The following DPP10 variants were observed in gnomAD, a reference collection of about 807,000 sequenced individuals.
DPP10 encodes the protein dipeptidyl peptidase like 10.
DPP10 carries 33 observed loss-of-function variants against 120.9 expected under a neutral mutation model. That is an observed-to-expected ratio of 0.27 (90% CI 0.21 to 0.37). DPP10 has a LOEUF of 0.37. Ranked by LOEUF, DPP10 falls within the 10% of genes least tolerant of loss-of-function variation. DPP10 has a pLI of 1.00. For missense variants in DPP10, 816 were observed against 942.8 expected, an observed-to-expected ratio of 0.87 and a Z score of 1.76; for synonymous variants, 337 against 326.1, an observed-to-expected ratio of 1.03 and a Z score of -0.36.
chr2:115,434,482 C>T (rs139720103), intron 3 of DPP10, among the ~76,000 whole-genome samples: 39 of 151,966 alleles, frequency 2.6e-4, no homozygotes, highest in African/African-American at 7.0e-4. Flanking sequence ...AATGCATGCA[C>T]AGCATAGATT....
At chr2:114,523,390 G>A (rs1333251844) in intron 1 of DPP10, among the ~76,000 whole-genome samples, 2 of 152,160 alleles carry the variant, frequency 1.3e-5, no homozygotes, top group African/African-American at 2.4e-5. Flanking sequence ...GGGGGCTTTA[G>A]CACCAGCACC....
intron 1 of DPP10, among the ~76,000 whole-genome samples, chr2:114,825,054 CATA>C (rs1686412815): frequency 6.6e-6 from 1 of 152,176 alleles, no homozygotes; most frequent in Non-Finnish European, 1.5e-5. Flanking sequence ...ATAAAGCTAT[CATA>C]ATATCAGCTG....
intron 3 of DPP10, among the ~76,000 whole-genome samples, chr2:115,377,238 G>A (rs963504636): frequency 1.3e-5 from 2 of 151,010 alleles, no homozygotes; most frequent in African/African-American, 2.4e-5. Context: ...TTTAATGATT[G>A]CCATTCTAAC....
chr2:115,747,146 C>G (rs1678083960), intron 10 of DPP10, among the ~76,000 whole-genome samples: 1 of 152,150 alleles, frequency 6.6e-6, no homozygotes, highest in African/African-American at 2.4e-5. Flanking sequence ...CTAATATAAA[C>G]TTCTCCTTCT....
intron 1 of DPP10, among the ~76,000 whole-genome samples, chr2:114,988,387 G>A (rs1700555927): frequency 6.6e-6 from 1 of 152,144 alleles, no homozygotes; most frequent in Non-Finnish European, 1.5e-5. Flanking sequence ...TAAATAAGCT[G>A]ACCACATATG....
At chr2:115,774,239 CA>C (rs1349806113) in intron 13 of DPP10, among the ~76,000 whole-genome samples, 5 of 151,306 alleles carry the variant, frequency 3.3e-5, no homozygotes, top group Non-Finnish European at 7.4e-5. Context: ...CACACACACA[CA>C]CCAAAATACT....
chr2:114,463,324 A>G (rs1280076936), intron 1 of DPP10: 2 of 151,748 alleles, frequency 1.3e-5, no homozygotes, highest in African/African-American at 2.4e-5. Flanking sequence ...CTTGTCTGTA[A>G]CCTCCCATTT....
chr2:115,290,241 T>C (rs1301295404), intron 1 of DPP10, among the ~76,000 whole-genome samples: 1 of 152,130 alleles, frequency 6.6e-6, no homozygotes, highest in Non-Finnish European at 1.5e-5. Context: ...ATCTAGTAAA[T>C]GTTATACCTC....
chr2:115,389,868 A>C (rs1301297070), intron 3 of DPP10, among the ~76,000 whole-genome samples: 1 of 152,180 alleles, frequency 6.6e-6, no homozygotes, highest in Non-Finnish European at 1.5e-5. Context: ...CTCTATAATT[A>C]TTAATTCATT....
intron 1 of DPP10, among the ~76,000 whole-genome samples, chr2:114,807,046 G>A (rs1337374568): frequency 2.0e-5 from 3 of 152,126 alleles, no homozygotes; most frequent in Non-Finnish European, 4.4e-5. Context: ...CAGACAGAAT[G>A]ATCTTTTCTT....
At chr2:115,521,716 C>A (rs537734899) in intron 4 of DPP10, among the ~76,000 whole-genome samples, 45 of 151,920 alleles carry the variant, frequency 3.0e-4, no homozygotes, top group African/African-American at 1.1e-3. Flanking sequence ...TTGTCATGAG[C>A]CTCTTACCAT....
chr2:115,165,925 A>G (rs909658693), intron 1 of DPP10, among the ~76,000 whole-genome samples: 2 of 152,210 alleles, frequency 1.3e-5, no homozygotes, highest in Non-Finnish European at 2.9e-5. Context: ...ATTTTCTTTA[A>G]AAAAATGCAT....
At chr2:114,937,620 G>C (rs1396802463) in intron 1 of DPP10, among the ~76,000 whole-genome samples, 1 of 152,064 alleles carries the variant, frequency 6.6e-6, no homozygotes, top group African/African-American at 2.4e-5. Context: ...GTCTTGTGCC[G>C]GTCTTTAGCT....
At chr2:115,812,963 CTTTTTTTTTTTTTTTTTT>C (rs66478532) in intron 19 of DPP10, among the ~76,000 whole-genome samples, 2 of 72,782 alleles carry the variant, frequency 2.7e-5, no homozygotes, top group Non-Finnish European at 4.7e-5. Flanking sequence ...GACTGGATAT[CTTTTTTTTTTTTTTTTTT>C]TTTTTTTTTT....
chr2:115,229,030 C>T (rs543021830), intron 1 of DPP10, among the ~76,000 whole-genome samples: 21 of 152,212 alleles, frequency 1.4e-4, no homozygotes, highest in African/African-American at 4.8e-4. Flanking sequence ...AATATCCTTG[C>T]CAGCACTTAT....
At chr2:115,508,770 G>A (rs2077078809) in intron 4 of DPP10, among the ~76,000 whole-genome samples, 1 of 152,186 alleles carries the variant, frequency 6.6e-6, no homozygotes, top group Non-Finnish European at 1.5e-5. Context: ...GAGTGTGGTG[G>A]CATGTGCTTC....
At chr2:115,722,862 A>C (rs544892259) in intron 7 of DPP10, among the ~76,000 whole-genome samples, 2 of 152,208 alleles carry the variant, frequency 1.3e-5, no homozygotes, top group East Asian at 3.9e-4. Flanking sequence ...GATTTAATAC[A>C]GATAATTGTT....
At chr2:115,754,797 C>T (rs1347787195) in intron 11 of DPP10, among the ~76,000 whole-genome samples, 1 of 152,064 alleles carries the variant, frequency 6.6e-6, no homozygotes, top group African/African-American at 2.4e-5. Context: ...AATTAGCAGA[C>T]ACATGTTTTA....
chr2:115,835,740 C>T (rs533418235), intron 21 of DPP10, among the ~76,000 whole-genome samples: 4 of 152,062 alleles, frequency 2.6e-5, no homozygotes, highest in African/African-American at 9.7e-5. Flanking sequence ...CTTAATTCTA[C>T]ATAATCATCA....
Sources: gnomAD v4.1 joint callset for allele counts (sites outside exome capture counted in the v4.1 genomes callset) on GRCh38, gnomAD v4.1.1 for gene constraint, MANE v1.5 for transcripts, NCBI Gene and HGNC (gene_info 2026-07-23, HGNC 2026-07-21) for gene names.